Variants in FIP1L1 observed in about 807,000 individuals in gnomAD.
FIP1L1 encodes the protein pre-mRNA 3'-end-processing factor FIP1.
FIP1L1 carries 21 observed loss-of-function variants against 84.6 expected under a neutral mutation model. The ratio of observed to expected loss-of-function variants is 0.25; its 90% CI spans 0.18 to 0.36. The LOEUF (loss-of-function observed/expected upper bound fraction) is 0.36. FIP1L1 is among the 10% of genes least tolerant of loss of function. The probability of loss-of-function intolerance (pLI) is 1.00; values close to 1 mark genes in which losing one functional copy is unlikely to be tolerated. For synonymous variants in FIP1L1, 263 were observed against 242.3 expected (o/e 1.09, Z -0.80); for missense variants, 526 against 751.1 (o/e 0.70, Z 3.50).
intron 3 of FIP1L1, among the ~76,000 whole-genome samples, chr4:53,380,875 A>T (rs1204376237): frequency 2.0e-5 from 3 of 152,182 alleles, no homozygotes; most frequent in Non-Finnish European, 4.4e-5. Flanking sequence ...AATCAAATAT[A>T]CTTTTCTATA....
At chr4:53,396,479 C>T (rs568370069) in intron 9 of FIP1L1, among the ~76,000 whole-genome samples, 2 of 152,178 alleles carry the variant, frequency 1.3e-5, no homozygotes, top group East Asian at 3.9e-4. Context: ...GATCTTGGCT[C>T]ACTGAAACCT....
chr4:53,425,318 G>A (rs1362106556), intron 11 of FIP1L1, among the ~76,000 whole-genome samples: 7 of 151,928 alleles, frequency 4.6e-5, no homozygotes, highest in Non-Finnish European at 7.4e-5. Context: ...GAGGTGAGGC[G>A]GGTATTTAAA....
intron 10 of FIP1L1, among the ~76,000 whole-genome samples, chr4:53,408,323 C>A (rs1450935489): frequency 6.6e-6 from 1 of 152,150 alleles, no homozygotes; most frequent in Non-Finnish European, 1.5e-5. Context: ...AATATTGGCC[C>A]CCACTCTCTT....
chr4:53,387,350 A>T (rs1046390382), intron 5 of FIP1L1, among the ~76,000 whole-genome samples: 9 of 152,172 alleles, frequency 5.9e-5, no homozygotes, highest in Non-Finnish European at 1.0e-4. Context: ...TGGATGGAGG[A>T]GGAGATAAAG....
rs999250644 is a variant in FIP1L1, at chr4:53,416,852, TACTC to T, written c.923+2132_923+2135del. ...TGTCACAGTCACCTGTAATCCCAGA[TACTC>T]AGGAGGTTGAGGTGGGAGAATCACT... On this transcript the variant is annotated intron_variant, in intron 11 of 17. Transcript: ENST00000337488. Among the ~76,000 whole-genome samples the T allele has an allele frequency of 5.9e-5, 9 of 152,028 alleles. No individual in the cohort carries two copies. The East Asian group carries it at 1.7e-3, about 29-fold the overall frequency.
intron 11 of FIP1L1, among the ~76,000 whole-genome samples, chr4:53,423,811 T>C (rs538202705): frequency 3.6e-4 from 55 of 152,320 alleles, no homozygotes; most frequent in East Asian, 3.3e-3. Flanking sequence ...TTTGAATCTT[T>C]AGTGATTAAA....
At chr4:53,395,478 G>C (rs190287415) in intron 9 of FIP1L1, among the ~76,000 whole-genome samples, 3 of 152,210 alleles carry the variant, frequency 2.0e-5, no homozygotes, top group African/African-American at 2.4e-5. Context: ...CTTAGGCTTT[G>C]GGGGGAAGGG....
chr4:53,398,364 TGA>T (rs1218631307), intron 9 of FIP1L1, among the ~76,000 whole-genome samples: 1 of 152,230 alleles, frequency 6.6e-6, no homozygotes, highest in Non-Finnish European at 1.5e-5. Flanking sequence ...CCTCATTATA[TGA>T]GAGTATCAAT....
rs975636986 is a variant in FIP1L1 at position 53,401,938 on chromosome 4, A to G, written c.815+2099A>G. 1.7e-4 allele frequency among the ~76,000 whole-genome samples: 26 copies of G among 152,220 alleles called. 3 individuals carry two copies. Among genetic ancestry groups the G allele is most frequent in the Admixed American group, 1.4e-3 (22 of 15,286 alleles). On this transcript the variant is annotated intron_variant, in intron 10 of 17. Transcript: ENST00000337488. ...AAACTACAAAATGGAATTAGACCAT[A>G]AAAGAGGTAAGTATTGATAGAGAAG...
At chr4:53,388,289 ATAATG>A (rs1391059210) in intron 5 of FIP1L1, among the ~76,000 whole-genome samples, 1 of 152,158 alleles carries the variant, frequency 6.6e-6, no homozygotes, top group Non-Finnish European at 1.5e-5. Flanking sequence ...TAACATGAAT[ATAATG>A]TGAGAAATAT....
intron 13 of FIP1L1, among the ~76,000 whole-genome samples, chr4:53,439,200 G>A (rs1374994799): frequency 6.6e-6 from 1 of 152,082 alleles, no homozygotes; most frequent in African/African-American, 2.4e-5. Flanking sequence ...TGTATGGTTT[G>A]TTGGATTCTT....
chr4:53,414,947 T>A (rs1758803940), intron 11 of FIP1L1, among the ~76,000 whole-genome samples: 1 of 152,156 alleles, frequency 6.6e-6, no homozygotes, highest in Non-Finnish European at 1.5e-5. Flanking sequence ...TGAATTATAT[T>A]GAACCGTGCT....
intron 11 of FIP1L1, among the ~76,000 whole-genome samples, chr4:53,422,117 G>C (rs1446660384): frequency 6.6e-6 from 1 of 152,024 alleles, no homozygotes; most frequent in Non-Finnish European, 1.5e-5. Context: ...GAATTTTGGA[G>C]ACTTTATTTC....
chr4:53,446,833 C>T (rs540878085), intron 15 of FIP1L1, among the ~76,000 whole-genome samples: 18 of 152,184 alleles, frequency 1.2e-4, no homozygotes, highest in African/African-American at 4.3e-4. Context: ...AAAATGCTAA[C>T]TTGGTATTTA....
At chr4:53,448,595 A>G (rs1050698258) in intron 15 of FIP1L1, among the ~76,000 whole-genome samples, 1 of 152,160 alleles carries the variant, frequency 6.6e-6, no homozygotes, top group African/African-American at 2.4e-5. Flanking sequence ...CATTTTATAG[A>G]TGAGGAAATC....
At chr4:53,433,150 A>G (rs955532960) in intron 13 of FIP1L1, among the ~76,000 whole-genome samples, 3 of 152,180 alleles carry the variant, frequency 2.0e-5, no homozygotes, top group Non-Finnish European at 2.9e-5. Flanking sequence ...AATACAATCT[A>G]TTTGTCATTT....
In FIP1L1 at chr4:53,460,547, G is replaced by T. The variant is rs1309373416; in HGVS notation, c.*1098G>T. 4 of 215,290 alleles carry T rather than the reference G, an allele frequency of 1.9e-5. No homozygotes were observed. Among genetic ancestry groups the T allele is most frequent in the African/African-American group, 9.1e-5 (4 of 43,972 alleles). The allele number at this position is 215,290 out of a possible 1,614,324, so 13.3% of individuals were successfully genotyped here. A position where few individuals can be genotyped will look rare whatever the true frequency, so the allele number is the denominator to read the frequency against. ...ATATTTTAGCTGTAAATTAAAAATGGCCATAATGTACCCTTGGCAGACTTC... is the reference window on the plus strand; with the variant it reads ...ATATTTTAGCTGTAAATTAAAAATGTCCATAATGTACCCTTGGCAGACTTC... On this transcript the variant is annotated 3_prime_UTR_variant, in exon 18 of 18. Transcript: ENST00000337488.
intron 12 of FIP1L1, 38 bp from the exon 13 acceptor site, chr4:53,427,989 T>C (rs368796831): frequency 4.2e-5 from 60 of 1,443,064 alleles, no homozygotes; most frequent in Non-Finnish European, 5.5e-5. Context: ...TTACATAATA[T>C]TTATGCATCT....
chr4:53,442,738 A>G (rs1772525115), intron 14 of FIP1L1, 31 bp downstream of exon 14: 1 of 1,312,432 alleles, frequency 7.6e-7, no homozygotes, highest in Non-Finnish European at 1.1e-6. Context: ...ATTTTTGATC[A>G]TTGATAGCCT....
Sources: gnomAD v4.1 joint callset for allele counts (sites outside exome capture counted in the v4.1 genomes callset) on GRCh38, gnomAD v4.1.1 for gene constraint, MANE v1.5 for transcripts, NCBI Gene and HGNC (gene_info 2026-07-23, HGNC 2026-07-21) for gene names.